CFAP251: variants seen among roughly 807,000 people sequenced by gnomAD.
CFAP251 encodes the protein cilia and flagella associated protein 251.
Under a neutral mutation model 126.7 loss-of-function variants are expected in CFAP251, and 93 were observed. The observed-to-expected ratio is 0.73, with a 90% CI of 0.62 to 0.87. The LOEUF is 0.87. Ranked by LOEUF, CFAP251 falls within the 40% of genes least tolerant of loss-of-function variation. The probability of loss-of-function intolerance (pLI) is 0.00; values close to 1 mark genes in which losing one functional copy is unlikely to be tolerated. For synonymous variants in CFAP251, 503 were observed against 506.9 expected, an observed-to-expected ratio of 0.99 and a Z score of 0.10; for missense variants, 1,287 against 1,389.2, an observed-to-expected ratio of 0.93 and a Z score of 1.17.
intron 19 of CFAP251, among the ~76,000 whole-genome samples, chr12:121,993,081 G>C (rs1352348006): frequency 7.1e-6 from 1 of 141,684 alleles, no homozygotes; most frequent in East Asian, 2.3e-4. Context: ...CTCCCTGCCT[G>C]ATTCTCCTGC....
intron 19 of CFAP251, among the ~76,000 whole-genome samples, chr12:121,984,469 G>A (rs762207353): frequency 3.9e-5 from 6 of 151,990 alleles, no homozygotes; most frequent in Non-Finnish European, 8.8e-5. Context: ...ACCACACCCA[G>A]CTAATTTTTT....
intron 3 of CFAP251, among the ~76,000 whole-genome samples, chr12:121,926,935 C>T (rs1183549798): frequency 6.6e-6 from 1 of 152,112 alleles, no homozygotes; most frequent in African/African-American, 2.4e-5. Context: ...TAGAGTGAGA[C>T]TCTGTTTCAA....
intron 19 of CFAP251, among the ~76,000 whole-genome samples, chr12:121,987,199 C>T (rs548498320): frequency 9.2e-5 from 14 of 152,266 alleles, no homozygotes; most frequent in Admixed American, 3.3e-4. Context: ...TGCCCTGAAA[C>T]GTAAATATCA....
intron 16 of CFAP251, among the ~76,000 whole-genome samples, chr12:121,967,420 G>A (rs376156970): frequency 6.6e-6 from 1 of 152,104 alleles, no homozygotes; most frequent in African/African-American, 2.4e-5. Flanking sequence ...GTGTAAAGTC[G>A]GGCCAGGTGA....
rs1289123864 is a variant in CFAP251 at position 121,994,555 on chromosome 12, TG to T, written c.3007-5160del. Among the ~76,000 whole-genome samples the T allele has an allele frequency of 1.0e-4, 5 of 48,616 alleles. No homozygotes were observed. In the East Asian group the frequency reaches 2.2e-3, roughly 22 times the overall value. 31.9% of individuals were successfully genotyped at this position (48,616 alleles called of 152,430 possible). A position where few individuals can be genotyped will look rare whatever the true frequency, so the allele number is the denominator to read the frequency against. On this transcript the variant is annotated intron_variant, in intron 19 of 21. Transcript: ENST00000288912. ...GGAAAAGATTGAGAAATCGGATGGTTGCCGTGTCTGTGTAGAAAGAAGTAGA... is the reference window on the plus strand; with the variant it reads ...GGAAAAGATTGAGAAATCGGATGGTTCCGTGTCTGTGTAGAAAGAAGTAGA...
chr12:121,961,894 C>A (rs1316207875), intron 14 of CFAP251, 84 bp from the exon 15 acceptor site: 24 of 1,382,614 alleles, frequency 1.7e-5, no homozygotes, highest in Non-Finnish European at 2.3e-5. Context: ...ATTATAAAGG[C>A]TGTCACCCAA....
At chr12:121,961,374 A>G (rs1881932455) in intron 14 of CFAP251, among the ~76,000 whole-genome samples, 1 of 132,038 alleles carries the variant, frequency 7.6e-6, no homozygotes, top group Admixed American at 9.6e-5. Flanking sequence ...CCATCCATTC[A>G]TCCATCTGTC....
intron 15 of CFAP251, among the ~76,000 whole-genome samples, chr12:121,964,581 TACTC>T (rs1288633902): frequency 6.6e-6 from 1 of 152,202 alleles, no homozygotes; most frequent in Admixed American, 6.5e-5. Context: ...ATCAAGGTGA[TACTC>T]ACGTAACATA....
At chr12:121,926,440 C>A (rs1420627036) in intron 3 of CFAP251, among the ~76,000 whole-genome samples, 1 of 152,064 alleles carries the variant, frequency 6.6e-6, no homozygotes, top group Non-Finnish European at 1.5e-5. Flanking sequence ...GATCTTCCCA[C>A]CTCAGCCTCC....
intron 20 of CFAP251, among the ~76,000 whole-genome samples, chr12:122,001,203 G>A (rs1301646911): frequency 1.3e-5 from 2 of 151,236 alleles, no homozygotes; most frequent in East Asian, 2.0e-4. Context: ...ATTACAGGCC[G>A]CGCCACCACA....
chr12:121,993,973 G>C (rs1225340198), intron 19 of CFAP251, among the ~76,000 whole-genome samples: 4 of 58,688 alleles, frequency 6.8e-5, no homozygotes, highest in Non-Finnish European at 1.2e-4. Flanking sequence ...GGAGGGAGGT[G>C]GGGGGGTCAG....
intron 15 of CFAP251, among the ~76,000 whole-genome samples, chr12:121,963,841 T>G (rs1882031235): frequency 6.6e-6 from 1 of 151,368 alleles, no homozygotes; most frequent in Non-Finnish European, 1.5e-5. Context: ...CATCCTCTAC[T>G]CAGCGCTGTG....
intron 3 of CFAP251, among the ~76,000 whole-genome samples, chr12:121,926,076 C>A (rs1720066): frequency 0.3 from 42,666 of 141,336 alleles, 6,653 homozygotes; most frequent in East Asian, 0.5. Flanking sequence ...CGTGTTAGCC[C>A]GGATGGTCTT....
chr12:121,999,763 T>C lies in CFAP251; in HGVS notation c.3054T>C (p.Thr1018=), dbSNP rs923681248. 8 of 1,613,538 alleles carry C rather than the reference T, an allele frequency of 5.0e-6. No homozygotes were observed. In the African/African-American group the frequency reaches 8.0e-5, roughly 16 times the overall value. The change falls in exon 20 of 22, where the codon ACT becomes ACC. Residue 1018 remains threonine, a synonymous_variant. Transcript: ENST00000288912. ...TCAAATTTGGTGAATATGTGGACACTGGAAAGCTAATCGACAAGATCAACT... is the reference window on the plus strand; with the variant it reads ...TCAAATTTGGTGAATATGTGGACACCGGAAAGCTAATCGACAAGATCAACT... ...NEIKFGEYVD[T]GKLIDKINLP... is the part of the protein sequence containing the mutation.
At chr12:121,945,406 C>T (rs952508060) in intron 7 of CFAP251, among the ~76,000 whole-genome samples, 15 of 151,704 alleles carry the variant, frequency 9.9e-5, no homozygotes, top group East Asian at 7.7e-4. Flanking sequence ...TGCGGTGGCA[C>T]GATCTCGGCT....
At chr12:121,922,737 A>G (rs1271026692) in intron 2 of CFAP251, among the ~76,000 whole-genome samples, 2 of 152,064 alleles carry the variant, frequency 1.3e-5, no homozygotes, top group Non-Finnish European at 2.9e-5. Context: ...TGGTAGGCCA[A>G]GAATAAACTT....
intron 17 of CFAP251, chr12:121,969,492 G>C: frequency 3.0e-6 from 3 of 984,086 alleles, no homozygotes; most frequent in Non-Finnish European, 3.6e-6. Context: ...CCTTCTATTT[G>C]TTGTTGTTGT....
intron 3 of CFAP251, among the ~76,000 whole-genome samples, chr12:121,924,517 C>G (rs1175652875): frequency 6.8e-6 from 1 of 147,880 alleles, no homozygotes; most frequent in African/African-American, 2.5e-5. Flanking sequence ...ACTGCAACCT[C>G]CGCCTCCCGG....
chr12:121,942,142 C>T (rs772427405), intron 5 of CFAP251, among the ~76,000 whole-genome samples: 21 of 152,112 alleles, frequency 1.4e-4, no homozygotes, highest in African/African-American at 3.9e-4. Context: ...TTAAAGCATA[C>T]GGTTCGGTGA....
Sources: gnomAD v4.1 joint callset for allele counts (sites outside exome capture counted in the v4.1 genomes callset) on GRCh38, gnomAD v4.1.1 for gene constraint, MANE v1.5 for transcripts, NCBI Gene and HGNC (gene_info 2026-07-23, HGNC 2026-07-21) for gene names.